Variants in LTBP1 observed in about 807,000 individuals in gnomAD.
The protein encoded by LTBP1 is latent-transforming growth factor beta-binding protein 1.
In LTBP1, 129 loss-of-function variants were observed where a neutral mutation model predicts 207.6. The observed-to-expected ratio is 0.62, with a 90% CI of 0.54 to 0.72. LTBP1 has a LOEUF of 0.72. LTBP1 is among the 30% of genes least tolerant of loss of function. LTBP1 has a pLI of 0.00. For missense variants in LTBP1, 2,281 were observed against 2,217.2 expected (o/e 1.03, Z -0.58); for synonymous variants, 963 against 833.7 (o/e 1.16, Z -2.67).
At chr2:33,249,006 A>C (rs1373957325) in intron 10 of LTBP1, among the ~76,000 whole-genome samples, 1 of 151,970 alleles carries the variant, frequency 6.6e-6, no homozygotes, top group Admixed American at 6.6e-5. Flanking sequence ...GTATCCTAAC[A>C]CTCATCCCCA....
chr2:33,307,652 G>A (rs1276012665), intron 22 of LTBP1, among the ~76,000 whole-genome samples: 1 of 152,158 alleles, frequency 6.6e-6, no homozygotes, highest in Non-Finnish European at 1.5e-5. Flanking sequence ...CTCTTAAGTA[G>A]ATCAATTTAT....
intron 5 of LTBP1, among the ~76,000 whole-genome samples, chr2:33,180,280 G>A (rs2086484592): frequency 6.6e-6 from 1 of 152,130 alleles, no homozygotes; most frequent in Admixed American, 6.5e-5. Context: ...GACAAAACCA[G>A]TCCACATTCT....
In LTBP1 at chr2:33,293,298, A is replaced by C. The variant is rs1233801179; in HGVS notation, c.3235+16A>C. 3 of 1,577,950 alleles carry C rather than the reference A, an allele frequency of 1.9e-6. No homozygotes were observed. The highest frequency in any genetic ancestry group is 2.8e-5 in the African/African-American group (2 of 72,398). On this transcript the variant is annotated intron_variant, in intron 20 of 33. Coordinates refer to ENST00000404816, the MANE Select transcript of LTBP1 (RefSeq NM_206943.4). ...CACTGTAGAGGTAAATACTGTGATC[A>C]AGTTTCCCATTTTTATTTAAACTTC...
intron 18 of LTBP1, among the ~76,000 whole-genome samples, chr2:33,276,148 C>T (rs1251096924): frequency 2.6e-5 from 4 of 152,036 alleles, no homozygotes; most frequent in South Asian, 2.1e-4. Flanking sequence ...ATATCTGCCT[C>T]TCTGGTATTT....
rs955259994 is a variant in LTBP1 at position 33,084,684 on chromosome 2, G to A, written c.864-25898G>A. 3.3e-5 allele frequency among the ~76,000 whole-genome samples: 5 copies of A among 152,134 alleles called. No individual in the cohort carries two copies. In the South Asian group the frequency reaches 6.2e-4, roughly 19 times the overall value. ...TTATTCTTATAAAAAACTCCTGTGCGCAAACAGGCACACATTGCTTTTAAA... is the reference window on the plus strand; with the variant it reads ...TTATTCTTATAAAAAACTCCTGTGCACAAACAGGCACACATTGCTTTTAAA... On this transcript the variant is annotated intron_variant, in intron 3 of 33. Transcript: ENST00000404816.
Position 33,365,024 on chromosome 2 carries a change from G to A in LTBP1, c.4541-309G>A, listed in dbSNP as rs138474481. 2.6e-3 allele frequency among the ~76,000 whole-genome samples: 396 copies of A among 152,274 alleles called. 3 individuals are homozygous for A. Among genetic ancestry groups the A allele is most frequent in the Middle Eastern group, 6.8e-3 (2 of 294 alleles). On this transcript the variant is annotated intron_variant, in intron 30 of 33. Transcript: ENST00000404816. ...GGAGTAAATGAAAAAGTGAAGATTAGGAGAGTGAGAAGCCTGATGGCTTAT... is the reference window on the plus strand; with the variant it reads ...GGAGTAAATGAAAAAGTGAAGATTAAGAGAGTGAGAAGCCTGATGGCTTAT...
chr2:32,974,352 T>C (rs1336018758), intron 2 of LTBP1, among the ~76,000 whole-genome samples: 2 of 152,220 alleles, frequency 1.3e-5, no homozygotes, highest in African/African-American at 4.8e-5. Context: ...TGATCAGTGA[T>C]GTTCATTTGC....
rs553931310 is a variant in LTBP1, at chr2:33,356,535, C to T, written c.4001-4062C>T. Among the ~76,000 whole-genome samples the T allele has an allele frequency of 2.5e-3, 380 of 152,086 alleles. 4 individuals carry two copies. Among genetic ancestry groups the T allele is most frequent in the Admixed American group, 0.019 (283 of 15,272 alleles). Reference sequence around the variant, plus strand: ...TCTACTAAAAATACAAAAAATTCGCCGGGCATGGTGGCAGGCGCCTGTAGT... The same window carrying T: ...TCTACTAAAAATACAAAAAATTCGCTGGGCATGGTGGCAGGCGCCTGTAGT... On this transcript the variant is annotated intron_variant, in intron 26 of 33. Coordinates refer to ENST00000404816, the MANE Select transcript of LTBP1 (RefSeq NM_206943.4).
chr2:33,058,468 T>G (rs1016481223), intron 3 of LTBP1, among the ~76,000 whole-genome samples: 3 of 152,288 alleles, frequency 2.0e-5, no homozygotes, highest in Admixed American at 2.0e-4. Flanking sequence ...CGTAGTACCT[T>G]CCACTGAATC....
chr2:33,060,177 T>G (rs1229014057), intron 3 of LTBP1, among the ~76,000 whole-genome samples: 1 of 43,098 alleles, frequency 2.3e-5, no homozygotes, highest in Non-Finnish European at 9.8e-5. Flanking sequence ...AGGGATTATT[T>G]AAGTTAGCTT....
intron 31 of LTBP1, among the ~76,000 whole-genome samples, chr2:33,379,255 G>A (rs991759704): frequency 2.1e-5 from 3 of 146,150 alleles, no homozygotes; most frequent in Non-Finnish European, 4.5e-5. Context: ...TGTTGCCCAG[G>A]CTGGAGTGCA....
At chr2:33,379,065 C>A (rs17012913) in intron 31 of LTBP1, among the ~76,000 whole-genome samples, 6,621 of 152,136 alleles carry the variant, frequency 0.044, 141 homozygotes, top group Non-Finnish European at 0.052. Context: ...ACAAAGCCTT[C>A]TTTATGCTTC....
chr2:33,352,175 A>G (rs780927003), intron 26 of LTBP1, among the ~76,000 whole-genome samples: 2 of 152,088 alleles, frequency 1.3e-5, no homozygotes, highest in Non-Finnish European at 2.9e-5. Flanking sequence ...TCTGTCACCC[A>G]GGCTGGAGTG....
chr2:33,332,397 A>AG (rs1161643128), intron 24 of LTBP1, among the ~76,000 whole-genome samples: 1 of 129,946 alleles, frequency 7.7e-6, no homozygotes, highest in African/African-American at 3.0e-5. Flanking sequence ...AAAAAAAAAA[A>AG]AGAGAGAGAG....
intron 15 of LTBP1, among the ~76,000 whole-genome samples, chr2:33,269,949 T>C (rs1356467581): frequency 6.7e-6 from 1 of 149,374 alleles, no homozygotes; most frequent in Non-Finnish European, 1.5e-5. Flanking sequence ...AATTTATTTT[T>C]TTACCTGATA....
chr2:33,288,709 G>A (rs1245698524), intron 19 of LTBP1, among the ~76,000 whole-genome samples: 1 of 151,962 alleles, frequency 6.6e-6, no homozygotes, highest in Non-Finnish European at 1.5e-5. Context: ...CAAAAAATTA[G>A]CCAGGTGTGC....
chr2:33,163,141 C>T (rs1426055787), intron 5 of LTBP1, among the ~76,000 whole-genome samples: 1 of 152,198 alleles, frequency 6.6e-6, no homozygotes, highest in Non-Finnish European at 1.5e-5. Context: ...GCCACCACGC[C>T]TGGCTAATTG....
chr2:33,212,479 A>T lies in LTBP1; in HGVS notation c.1702-5073A>T, dbSNP rs566543058. 5.9e-5 allele frequency among the ~76,000 whole-genome samples: 9 copies of T among 152,292 alleles called. No individual in the cohort carries two copies. In the South Asian group the frequency reaches 1.7e-3, roughly 28 times the overall value. The stretch of plus-strand genomic sequence containing the variant: ...TTTGCTGTGGTGTGTAGTAACTTGT[A>T]TTTCCTAGATGGGATAATGTAACCT... On this transcript the variant is annotated intron_variant, in intron 7 of 33. Coordinates refer to ENST00000404816, the MANE Select transcript of LTBP1 (RefSeq NM_206943.4).
intron 5 of LTBP1, among the ~76,000 whole-genome samples, chr2:33,165,433 C>A (rs567343797): frequency 6.6e-6 from 1 of 152,282 alleles, no homozygotes; most frequent in African/African-American, 2.4e-5. Context: ...AAGGAATATT[C>A]TTTAAAATTT....
Sources: allele counts gnomAD v4.1 joint callset (sites outside exome capture counted in the v4.1 genomes callset), GRCh38; gene constraint gnomAD v4.1.1; transcripts MANE v1.5; gene names NCBI Gene and HGNC (gene_info 2026-07-23, HGNC 2026-07-21).